Variants in SLIT3 observed in about 807,000 individuals in gnomAD.
SLIT3 encodes the protein slit homolog 3 protein.
A neutral mutation model predicts 184.0 loss-of-function variants in SLIT3; 68 were observed. The ratio of observed to expected loss-of-function variants is 0.37; its 90% CI spans 0.30 to 0.45. The LOEUF is 0.45. Among genes scored for constraint, SLIT3 ranks in the 20% least tolerant of loss-of-function variants. The pLI, the probability that SLIT3 is intolerant of heterozygous loss-of-function variation, is 1.00. For synonymous variants in SLIT3, 831 were observed against 828.6 expected (o/e 1.00, Z -0.05); for missense variants, 1,707 against 2,026.0 (o/e 0.84, Z 3.02).
At chr5:168,752,752 T>A (rs1754759655) in intron 18 of SLIT3, 1 of 579,018 alleles carries the variant, frequency 1.7e-6, no homozygotes, top group Non-Finnish European at 3.1e-6. Flanking sequence ...TTCACTATGC[T>A]GTGAGTTCCA....
chr5:169,268,704 A>G (rs79630318), intron 1 of SLIT3, among the ~76,000 whole-genome samples: 1 of 152,226 alleles, frequency 6.6e-6, no homozygotes, highest in African/African-American at 2.4e-5. Context: ...CTTATCTGCA[A>G]AATGGGTTAG....
intron 4 of SLIT3, among the ~76,000 whole-genome samples, chr5:169,063,207 G>A (rs902608379): frequency 2.6e-5 from 4 of 152,134 alleles, no homozygotes; most frequent in Admixed American, 6.5e-5. Flanking sequence ...CCTTAATGCC[G>A]GCTGCATGAG....
intron 4 of SLIT3, among the ~76,000 whole-genome samples, chr5:169,026,796 A>G (rs1173976589): frequency 4.5e-5 from 5 of 112,122 alleles, no homozygotes; most frequent in South Asian, 2.4e-4. Context: ...CTATCATCAG[A>G]AAAAAAAAAC....
intron 20 of SLIT3, among the ~76,000 whole-genome samples, chr5:168,740,582 GCCATAATTCT>G (rs1246366659): frequency 6.6e-6 from 1 of 152,154 alleles, no homozygotes; most frequent in Non-Finnish European, 1.5e-5. Context: ...GAGGCTCCCA[GCCATAATTCT>G]CCAGGTCTGC....
At chr5:168,800,188 A>C (rs1184782784) in intron 9 of SLIT3, among the ~76,000 whole-genome samples, 2 of 152,226 alleles carry the variant, frequency 1.3e-5, no homozygotes, top group Non-Finnish European at 2.9e-5. Context: ...AAGAAGGCTA[A>C]AAAGGAAGGT....
intron 4 of SLIT3, among the ~76,000 whole-genome samples, chr5:168,907,979 T>TATAGAGAGAGAGAG (rs376418381): frequency 2.3e-3 from 113 of 50,034 alleles, no homozygotes; most frequent in Non-Finnish European, 3.1e-3. Context: ...TATATATATA[T>TATAGAGAGAGAGAG]AGAGAGAGAG....
intron 33 of SLIT3, 34 bp downstream of exon 33, chr5:168,673,143 G>C (rs1561867397): frequency 6.2e-7 from 1 of 1,607,864 alleles, no homozygotes; most frequent in East Asian, 2.2e-5. Flanking sequence ...GAGGGCCAGA[G>C]GGAGGTAGAG....
intron 7 of SLIT3, among the ~76,000 whole-genome samples, chr5:168,821,422 G>T (rs555944823): frequency 1.3e-5 from 2 of 152,340 alleles, no homozygotes; most frequent in Admixed American, 6.5e-5. Flanking sequence ...TGCAGGCCCA[G>T]CACCCTGAGG....
chr5:168,781,836 C>T (rs1755981669), intron 12 of SLIT3, among the ~76,000 whole-genome samples: 1 of 152,140 alleles, frequency 6.6e-6, no homozygotes, highest in Non-Finnish European at 1.5e-5. Flanking sequence ...GCATGGACTA[C>T]CCAGGTTCCA....
intron 4 of SLIT3, among the ~76,000 whole-genome samples, chr5:169,188,663 C>T (rs1468869171): frequency 6.6e-6 from 1 of 152,210 alleles, no homozygotes; most frequent in African/African-American, 2.4e-5. Flanking sequence ...ATACGCACTA[C>T]TCTCATCAGC....
chr5:168,797,566 A>G (rs1207893474), intron 9 of SLIT3, among the ~76,000 whole-genome samples: 4 of 152,220 alleles, frequency 2.6e-5, no homozygotes, highest in African/African-American at 9.6e-5. Context: ...TGGGTGCAAG[A>G]ATTGAGGGAG....
chr5:169,157,017 C>T (rs556726065), intron 4 of SLIT3, among the ~76,000 whole-genome samples: 2 of 152,120 alleles, frequency 1.3e-5, no homozygotes, highest in African/African-American at 4.8e-5. Context: ...TAACGAGATA[C>T]CACACACAAA....
intron 3 of SLIT3, among the ~76,000 whole-genome samples, chr5:169,226,346 C>T (rs1764808382): frequency 1.3e-5 from 2 of 152,048 alleles, no homozygotes; most frequent in Non-Finnish European, 2.9e-5. Flanking sequence ...CCCTTTTCTT[C>T]CCCTGACCCT....
At chr5:168,722,131 G>C in intron 23 of SLIT3, 125 bp downstream of exon 23, 2 of 784,350 alleles carry the variant, frequency 2.5e-6, no homozygotes, top group Non-Finnish European at 2.2e-6. Context: ...AAGGGTGCTG[G>C]GTAGGAAGGT....
chr5:169,140,893 A>G (rs1204493724), intron 4 of SLIT3, among the ~76,000 whole-genome samples: 6 of 152,208 alleles, frequency 3.9e-5, no homozygotes, highest in African/African-American at 1.4e-4. Flanking sequence ...TAAATTAAAT[A>G]TAAAACTCTT....
intron 20 of SLIT3, among the ~76,000 whole-genome samples, chr5:168,728,938 A>C (rs1437923024): frequency 6.7e-6 from 1 of 150,254 alleles, no homozygotes; most frequent in African/African-American, 2.4e-5. Context: ...CAAAGAAACA[A>C]AAAAAAAAGC....
rs372390812 is a variant in SLIT3 at position 168,754,047 on chromosome 5, C to A, written c.1686-40G>T. 3.0e-5 allele frequency: 46 copies of A among 1,528,988 alleles called. No homozygotes were observed. The South Asian group carries it at 4.9e-4, about 16-fold the overall frequency. 94.7% of individuals were successfully genotyped at this position (1,528,988 alleles called of 1,614,324 possible). A position where few individuals can be genotyped will look rare whatever the true frequency, so the allele number is the denominator to read the frequency against. On this transcript the variant is annotated intron_variant, in intron 16 of 35. Transcript: ENST00000519560. ...CAGAATAGGGGAGAATCAAAAGGAG[C>A]AGATGGTCTTGATGCCGGGAGGGGA...
At chr5:168,999,861 T>A (rs1293848193) in intron 4 of SLIT3, among the ~76,000 whole-genome samples, 2 of 152,176 alleles carry the variant, frequency 1.3e-5, no homozygotes, top group African/African-American at 4.8e-5. Context: ...CATGCAAAAG[T>A]GGACCTGCTG....
intron 3 of SLIT3, among the ~76,000 whole-genome samples, chr5:169,238,521 T>C (rs1250969143): frequency 3.3e-5 from 5 of 150,330 alleles, no homozygotes; most frequent in African/African-American, 4.9e-5. Context: ...CCCTGTAGTT[T>C]TAGAATGGAG....
Sources: gnomAD v4.1 joint callset for allele counts (sites outside exome capture counted in the v4.1 genomes callset) on GRCh38, gnomAD v4.1.1 for gene constraint, MANE v1.5 for transcripts, NCBI Gene and HGNC (gene_info 2026-07-23, HGNC 2026-07-21) for gene names.